Variants in DAB1 observed in about 807,000 individuals in gnomAD.
The protein encoded by DAB1 is disabled homolog 1.
A neutral mutation model predicts 64.6 loss-of-function variants in DAB1; 15 were observed. That is an observed-to-expected ratio of 0.23 (90% CI 0.16 to 0.36). DAB1 has a LOEUF of 0.36. Ranked by LOEUF, DAB1 falls within the 10% of genes least tolerant of loss-of-function variation. DAB1 has a pLI of 1.00. For missense variants in DAB1, 596 were observed against 706.7 expected (o/e 0.84, Z 1.78); for synonymous variants, 235 against 251.9 (o/e 0.93, Z 0.64).
chr1:58,054,898 G>T (rs1647961012), intron 5 of DAB1, among the ~76,000 whole-genome samples: 1 of 152,210 alleles, frequency 6.6e-6, no homozygotes, highest in East Asian at 1.9e-4. Flanking sequence ...ACAACCCGCT[G>T]TCAAGCAATG....
chr1:57,539,184 G>A (rs565154500), intron 7 of DAB1, among the ~76,000 whole-genome samples: 1 of 152,318 alleles, frequency 6.6e-6, no homozygotes, highest in African/African-American at 2.4e-5. Flanking sequence ...TGACCAGAAT[G>A]CTGATTGTCT....
At chr1:57,333,456 A>G (rs1190795454) in intron 1 of DAB1, among the ~76,000 whole-genome samples, 1 of 152,260 alleles carries the variant, frequency 6.6e-6, no homozygotes, top group African/African-American at 2.4e-5. Flanking sequence ...ATGTAGCCCC[A>G]TGCTGGGCAC....
At chr1:57,832,905 A>G (rs2101906230) in intron 1 of DAB1, among the ~76,000 whole-genome samples, 1 of 152,316 alleles carries the variant, frequency 6.6e-6, no homozygotes, top group South Asian at 2.1e-4. Flanking sequence ...CTTGGAAGAC[A>G]GGGATGAAGA....
chr1:57,496,444 C>G (rs536965496), intron 7 of DAB1, among the ~76,000 whole-genome samples: 110 of 152,234 alleles, frequency 7.2e-4, no homozygotes, highest in South Asian at 6.0e-3. Flanking sequence ...TCAATGGTGC[C>G]CAGTATACCG....
At chr1:57,749,442 T>A (rs1239581622) in intron 6 of DAB1, among the ~76,000 whole-genome samples, 1 of 152,226 alleles carries the variant, frequency 6.6e-6, no homozygotes, top group East Asian at 1.9e-4. Flanking sequence ...TGGTATTTCA[T>A]AAAAGACATA....
chr1:58,535,293 G>C (rs1289777871), intron 1 of DAB1, among the ~76,000 whole-genome samples: 1 of 152,090 alleles, frequency 6.6e-6, no homozygotes, highest in African/African-American at 2.4e-5. Flanking sequence ...TAAAGTGTAT[G>C]CTTTTTTTCA....
chr1:58,481,203 A>G (rs1645476194), intron 3 of DAB1: 1 of 722,828 alleles, frequency 1.4e-6, no homozygotes, highest in Non-Finnish European at 2.4e-6. Flanking sequence ...ATAAAAAAAT[A>G]CTATATATAT....
chr1:57,205,163 C>A (rs1665438307), intron 2 of DAB1, among the ~76,000 whole-genome samples: 2 of 152,150 alleles, frequency 1.3e-5, no homozygotes, highest in Non-Finnish European at 2.9e-5. Context: ...CCCATCTGTA[C>A]CCAACACAAA....
chr1:58,043,909 G>C (rs145612931), intron 5 of DAB1, among the ~76,000 whole-genome samples: 400 of 152,202 alleles, frequency 2.6e-3, no homozygotes, highest in African/African-American at 9.1e-3. Context: ...TGTATTCTTA[G>C]TAGAGATGGG....
chr1:58,408,275 T>C (rs1644636098), intron 3 of DAB1, among the ~76,000 whole-genome samples: 1 of 152,216 alleles, frequency 6.6e-6, no homozygotes, highest in Non-Finnish European at 1.5e-5. Context: ...TTCCCCCAGA[T>C]CTTCAGGTGA....
At chr1:57,836,863 T>G (rs1014048018) in intron 1 of DAB1, among the ~76,000 whole-genome samples, 4 of 152,180 alleles carry the variant, frequency 2.6e-5, no homozygotes, top group Non-Finnish European at 5.9e-5. Flanking sequence ...GTCTTTTCAT[T>G]CATTCAACAA....
At chr1:58,470,456 G>A (rs1036828562) in intron 3 of DAB1, among the ~76,000 whole-genome samples, 2 of 151,836 alleles carry the variant, frequency 1.3e-5, no homozygotes, top group Admixed American at 6.5e-5. Flanking sequence ...TTATAGGCAT[G>A]AGCCACCGCA....
At chr1:57,553,463 A>AAGG (rs1644946762) in intron 7 of DAB1, among the ~76,000 whole-genome samples, 1 of 116,196 alleles carries the variant, frequency 8.6e-6, no homozygotes, top group African/African-American at 3.2e-5. Context: ...AAAGAAAGAG[A>AAGG]AAGGGAAAGA....
chr1:57,842,656 C>G (rs56016455), intron 1 of DAB1, among the ~76,000 whole-genome samples: 10,756 of 152,074 alleles, frequency 0.071, 615 homozygotes, highest in Admixed American at 0.21. Flanking sequence ...AGAGGGCAAG[C>G]AAGGGGGGGA....
At chr1:57,418,396 T>A (rs151268559) in intron 1 of DAB1, among the ~76,000 whole-genome samples, 32 of 152,290 alleles carry the variant, frequency 2.1e-4, no homozygotes, top group African/African-American at 7.0e-4. Flanking sequence ...AATTGATGGA[T>A]ACCAAGTAAA....
At chr1:57,674,183 C>T (rs757784624) in intron 6 of DAB1, among the ~76,000 whole-genome samples, 19 of 152,168 alleles carry the variant, frequency 1.2e-4, no homozygotes, top group Non-Finnish European at 1.0e-4. Context: ...GTAATTCTGT[C>T]TCAAGTATTC....
intron 5 of DAB1, among the ~76,000 whole-genome samples, chr1:57,933,961 T>C (rs569634605): frequency 3.4e-4 from 52 of 151,870 alleles, no homozygotes; most frequent in Non-Finnish European, 6.9e-4. Context: ...AGTGGCGCGA[T>C]CTTGGCTCAC....
At chr1:58,411,958 T>C (rs565605877) in intron 3 of DAB1, among the ~76,000 whole-genome samples, 27 of 152,172 alleles carry the variant, frequency 1.8e-4, no homozygotes, top group Admixed American at 5.9e-4. Context: ...CTCTTTTCTA[T>C]AGGACACCCA....
intron 7 of DAB1, among the ~76,000 whole-genome samples, chr1:57,615,828 T>C (rs1645785338): frequency 6.6e-6 from 1 of 152,236 alleles, no homozygotes; most frequent in Non-Finnish European, 1.5e-5. Context: ...TGGAACTACA[T>C]GTCTTCAGGT....
Sources: gnomAD v4.1 joint callset for allele counts (sites outside exome capture counted in the v4.1 genomes callset) on GRCh38, gnomAD v4.1.1 for gene constraint, MANE v1.5 for transcripts, NCBI Gene and HGNC (gene_info 2026-07-23, HGNC 2026-07-21) for gene names.